Variants in SNTG1 observed in about 807,000 individuals in gnomAD.
The protein encoded by SNTG1 is gamma-1-syntrophin.
Under a neutral mutation model 74.7 loss-of-function variants are expected in SNTG1, and 39 were observed. The observed-to-expected ratio is 0.52, with a 90% CI of 0.40 to 0.68. The LOEUF is 0.68. Among genes scored for constraint, SNTG1 ranks in the 30% least tolerant of loss-of-function variants. SNTG1 has a pLI of 0.00. For synonymous variants in SNTG1, 254 were observed against 217.1 expected, an observed-to-expected ratio of 1.17 and a Z score of -1.49; for missense variants, 685 against 609.5, an observed-to-expected ratio of 1.12 and a Z score of -1.30.
chr8:50,669,703 C>A (rs1171548472), intron 15 of SNTG1, among the ~76,000 whole-genome samples: 2 of 152,034 alleles, frequency 1.3e-5, no homozygotes, highest in Admixed American at 6.6e-5. Context: ...AGGCCAGCAT[C>A]ATCCTGATAC....
intron 2 of SNTG1, among the ~76,000 whole-genome samples, chr8:50,341,525 T>C (rs771700295): frequency 6.6e-6 from 1 of 151,920 alleles, no homozygotes; most frequent in African/African-American, 2.4e-5. Flanking sequence ...CTAATGATGA[T>C]AGATGAAGGA....
At chr8:50,710,192 A>C (rs947444274) in intron 17 of SNTG1, among the ~76,000 whole-genome samples, 2 of 152,166 alleles carry the variant, frequency 1.3e-5, no homozygotes, top group African/African-American at 4.8e-5. Flanking sequence ...GACAGCACAC[A>C]TTTGCTGGTC....
At chr8:50,473,136 G>A (rs912486266) in intron 8 of SNTG1, among the ~76,000 whole-genome samples, 1 of 152,176 alleles carries the variant, frequency 6.6e-6, no homozygotes, top group African/African-American at 2.4e-5. Flanking sequence ...AAACCAGGTG[G>A]AGGTAACTGA....
intron 2 of SNTG1, among the ~76,000 whole-genome samples, chr8:50,222,897 T>C (rs758665135): frequency 2.0e-5 from 3 of 152,104 alleles, no homozygotes; most frequent in Non-Finnish European, 4.4e-5. Flanking sequence ...AAAACTCTTT[T>C]CAAATGCACT....
chr8:49,945,197 G>T (rs906976013), intron 1 of SNTG1, among the ~76,000 whole-genome samples: 2 of 152,120 alleles, frequency 1.3e-5, no homozygotes, highest in Non-Finnish European at 2.9e-5. Context: ...TTAGTCTTTG[G>T]ATTTACATTG....
intron 9 of SNTG1, among the ~76,000 whole-genome samples, chr8:50,510,651 T>C (rs2094061810): frequency 6.6e-6 from 1 of 152,196 alleles, no homozygotes; most frequent in South Asian, 2.1e-4. Flanking sequence ...TGGGAGGGTG[T>C]ATATGTCGAG....
At chr8:50,524,172 A>T (rs927395727) in intron 9 of SNTG1, among the ~76,000 whole-genome samples, 1 of 152,058 alleles carries the variant, frequency 6.6e-6, no homozygotes, top group Non-Finnish European at 1.5e-5. Context: ...TATTGCATAG[A>T]ACATACTATA....
intron 1 of SNTG1, among the ~76,000 whole-genome samples, chr8:50,143,876 TA>T (rs1178384953): frequency 1.3e-5 from 2 of 152,230 alleles, no homozygotes; most frequent in East Asian, 3.8e-4. Flanking sequence ...TGCTGCTTAT[TA>T]AAAGTTACAT....
At chr8:50,013,568 A>G (rs1314584002) in intron 1 of SNTG1, among the ~76,000 whole-genome samples, 1 of 151,976 alleles carries the variant, frequency 6.6e-6, no homozygotes, top group African/African-American at 2.4e-5. Context: ...TCTCTGTGAC[A>G]GTAACTATCT....
intron 1 of SNTG1, among the ~76,000 whole-genome samples, chr8:50,039,469 A>C (rs1396327482): frequency 1.3e-5 from 2 of 150,650 alleles, no homozygotes; most frequent in Non-Finnish European, 3.0e-5. Context: ...AAAAAAAAAA[A>C]AAAAAAAAAA....
intron 2 of SNTG1, among the ~76,000 whole-genome samples, chr8:50,287,220 C>A (rs11984700): frequency 1.3e-5 from 2 of 152,190 alleles, no homozygotes; most frequent in East Asian, 3.9e-4. Flanking sequence ...ACTGCCCCAA[C>A]CATAAATCAG....
chr8:49,995,681 T>C (rs1016654308), intron 1 of SNTG1, among the ~76,000 whole-genome samples: 2 of 152,160 alleles, frequency 1.3e-5, no homozygotes, highest in African/African-American at 4.8e-5. Context: ...AGAGTAGGCA[T>C]TGGAATCTCT....
At chr8:50,544,847 TCA>T (rs2094374939) in intron 11 of SNTG1, among the ~76,000 whole-genome samples, 1 of 152,056 alleles carries the variant, frequency 6.6e-6, no homozygotes, top group African/African-American at 2.4e-5. Context: ...CTGTAAAAGC[TCA>T]CAGACTAGTA....
At chr8:50,564,223 C>T (rs2094503702) in intron 12 of SNTG1, among the ~76,000 whole-genome samples, 1 of 151,530 alleles carries the variant, frequency 6.6e-6, no homozygotes, top group Non-Finnish European at 1.5e-5. Flanking sequence ...ATGTAGAAGC[C>T]CTTTAGAATA....
intron 1 of SNTG1, among the ~76,000 whole-genome samples, chr8:50,075,248 A>T (rs745880551): frequency 6.6e-6 from 1 of 152,168 alleles, no homozygotes; most frequent in African/African-American, 2.4e-5. Context: ...TGAGCAGTGC[A>T]GGCCTGCCCG....
At chr8:50,667,866 A>C (rs2095258240) in intron 15 of SNTG1, among the ~76,000 whole-genome samples, 1 of 152,034 alleles carries the variant, frequency 6.6e-6, no homozygotes, top group South Asian at 2.1e-4. Flanking sequence ...AATTAGTATA[A>C]AAGTTTAGTC....
At chr8:50,284,888 A>T (rs2088677092) in intron 2 of SNTG1, among the ~76,000 whole-genome samples, 1 of 152,138 alleles carries the variant, frequency 6.6e-6, no homozygotes, top group African/African-American at 2.4e-5. Flanking sequence ...ATATATTCAC[A>T]TTTTTGCAAA....
intron 8 of SNTG1, among the ~76,000 whole-genome samples, chr8:50,465,980 A>C (rs955758219): frequency 6.6e-6 from 1 of 152,116 alleles, no homozygotes; most frequent in Non-Finnish European, 1.5e-5. Context: ...TTATATTGAG[A>C]GACTATCTTT....
chr8:50,483,698 T>C lies in SNTG1; in HGVS notation c.364-19080T>C, dbSNP rs1218261151. The stretch of plus-strand genomic sequence containing the variant: ...AATTCTACAATATTTACTTCTTAGT[T>C]ACATGTTGTGCAAACATTTTGTGAT... On this transcript the variant is annotated intron_variant, in intron 8 of 18. Transcript: ENST00000642720. Among the ~76,000 whole-genome samples, 10 of 152,238 alleles carry C rather than the reference T, an allele frequency of 6.6e-5. No individual in the cohort carries two copies. In the East Asian group the frequency reaches 1.9e-3, roughly 29 times the overall value.
Sources: allele counts gnomAD v4.1 joint callset (sites outside exome capture counted in the v4.1 genomes callset), GRCh38; gene constraint gnomAD v4.1.1; transcripts MANE v1.5; gene names NCBI Gene and HGNC (gene_info 2026-07-23, HGNC 2026-07-21).